The following C5 variants were observed in gnomAD, a reference collection of about 807,000 sequenced individuals.
The protein encoded by C5 is C3 and PZP-like alpha-2-macroglobulin domain-containing protein 4.
In C5, 140 loss-of-function variants were observed where a neutral mutation model predicts 218.8. That is an observed-to-expected ratio of 0.64 (90% CI 0.56 to 0.74). The LOEUF (loss-of-function observed/expected upper bound fraction) is 0.74, where lower values mean the gene tolerates loss of function less well. Ranked by LOEUF, C5 falls within the 30% of genes least tolerant of loss-of-function variation. The pLI is 0.00. For missense variants in C5, 1,700 were observed against 1,969.6 expected (o/e 0.86, Z 2.59); for synonymous variants, 614 against 682.3 (o/e 0.90, Z 1.56).
chr9:121,021,547 G>C lies in C5; in HGVS notation c.1264C>G (p.Leu422Val), dbSNP rs1158879069. The change falls in exon 11 of 41, where the codon CTT becomes GTT. Residue 422 changes from leucine (L) to valine (V), a missense_variant. Coordinates refer to ENST00000223642, the MANE Select transcript of C5 (RefSeq NM_001735.3). ...RVDDGVASFV[L>V]NLPSGVTVLE... The stretch of plus-strand genomic sequence containing the variant: ...ACCGTCACTCCAGATGGGAGATTAA[G>C]CACAAAGGAAGCTACTCCATCATCA... 1 of 1,613,812 alleles carries C rather than the reference G, an allele frequency of 6.2e-7. No homozygotes were observed. Among genetic ancestry groups the C allele is most frequent in the Non-Finnish European group, 8.5e-7 (1 of 1,179,868 alleles).
In C5 at chr9:121,050,270, G is replaced by A. The variant is rs36223101; in HGVS notation, c.-24C>T. 4,903 of 1,579,738 alleles carry A rather than the reference G, an allele frequency of 3.1e-3. 19 individuals carry two copies. Among genetic ancestry groups the A allele is most frequent in the Admixed American group, 4.2e-3 (252 of 59,980 alleles). ...ATGGTTGGAGGTAGCAGGAAACCAC[G>A]GATATAACACTTTTGAGGATAGTCT... is the stretch of plus-strand genomic sequence containing the variant. On this transcript the variant is annotated 5_prime_UTR_variant, in exon 1 of 41. Coordinates refer to ENST00000223642, the MANE Select transcript of C5 (RefSeq NM_001735.3).
rs1288535384 is a variant in C5 at position 121,005,938 on chromosome 9, T to C, written c.2543A>G (p.Tyr848Cys). The C allele has an allele frequency of 1.2e-5, 20 of 1,613,516 alleles. No individual in the cohort carries two copies. The South Asian group carries it at 2.1e-4, about 17-fold the overall frequency. Residue 848 changes from tyrosine to cysteine, a missense_variant, in exon 20 of 41, where the codon TAT becomes TGT. Tyr to Cys is a radical substitution (Grantham distance 194). Coordinates refer to ENST00000223642, the MANE Select transcript of C5 (RefSeq NM_001735.3). ...QIQLKGTVYN[Y>C]RTSGMQFCVK... ...ACTTACCTGCATCCCAGAAGTCCTA[T>C]AGTTGTAAACAGTTCCTTTCAATTG... is the stretch of plus-strand genomic sequence containing the variant.
rs1405932372 is a variant in C5, at chr9:121,006,903, C to T, written c.2422+1G>A. 2 of 1,589,454 alleles carry T rather than the reference C, an allele frequency of 1.3e-6. No individual in the cohort carries two copies. The highest frequency in any genetic ancestry group is 1.7e-5 in the Admixed American group (1 of 59,984). ...TGCATATATCACTTAAACCTGCTTA[C>T]CAGTGTTTGAAATGCCAACGCCTTG... On this transcript the variant is annotated splice_donor_variant, in intron 19 of 40. Coordinates refer to ENST00000223642, the MANE Select transcript of C5 (RefSeq NM_001735.3). LOFTEE classifies it high-confidence loss of function.
chr9:121,056,295 T>C, the C5 span, among the ~76,000 whole-genome samples: 2 of 152,222 alleles, frequency 1.3e-5, no homozygotes, highest in African/African-American at 2.4e-5. Flanking sequence ...GTGTTGAAGA[T>C]ATATGACTAA....
Position 120,961,396 on chromosome 9 carries a change from C to G in C5, c.4588+86G>C, listed in dbSNP as rs1009009381. On this transcript the variant is annotated intron_variant, in intron 37 of 40. Transcript: ENST00000223642. The stretch of plus-strand genomic sequence containing the variant: ...TCTACTTCTGAGAAAGAACAGTTTA[C>G]CAAACAGTGTCCCCCAGATTAACCT... The G allele has an allele frequency of 4.8e-6, 4 of 832,814 alleles. No individual in the cohort carries two copies. The African/African-American group carries it at 6.7e-5, about 14-fold the overall frequency. 51.6% of individuals were successfully genotyped at this position (832,814 alleles called of 1,614,324 possible).
the C5 span, among the ~76,000 whole-genome samples, chr9:121,062,672 C>A: frequency 6.6e-6 from 1 of 152,180 alleles, no homozygotes; most frequent in African/African-American, 2.4e-5. Flanking sequence ...ATTAGTGCTA[C>A]GGTCTGAATG....
intron 4 of C5, among the ~76,000 whole-genome samples, 166 bp downstream of exon 4, chr9:121,037,715 G>A (rs1404316012): frequency 6.6e-6 from 1 of 152,132 alleles, no homozygotes. Flanking sequence ...TTTCACATAC[G>A]TGTATTACAG....
intron 37 of C5, among the ~76,000 whole-genome samples, chr9:120,961,255 C>T (rs1248781387): frequency 6.6e-6 from 1 of 152,034 alleles, no homozygotes; most frequent in Admixed American, 6.5e-5. Context: ...ACAACCCTCT[C>T]GATGGTGTTT....
rs770178877 is a variant in C5, at chr9:121,005,925, C to G, written c.2556G>C (p.Gly852=). The G allele has an allele frequency of 3.1e-6, 5 of 1,613,478 alleles. No homozygotes were observed. The South Asian group carries it at 4.4e-5, about 14-fold the overall frequency. The change falls in exon 20 of 41, where the codon GGG becomes GGC. Residue 852 remains glycine (G), a synonymous_variant. Transcript: ENST00000223642. ...AATATTAACACCTACTTACCTGCAT[C>G]CCAGAAGTCCTATAGTTGTAAACAG... ...KGTVYNYRTS[G]MQFCVKMSAV...
chr9:121,027,421 T>C, intron 7 of C5, 147 bp from the exon 8 acceptor site: 1 of 610,684 alleles, frequency 1.6e-6, no homozygotes, highest in East Asian at 3.0e-5. Flanking sequence ...GCTGGAGGCA[T>C]CATGCTACCT....
upstream of C5, among the ~76,000 whole-genome samples, chr9:121,053,499 G>A (rs914355563): frequency 2.6e-5 from 4 of 152,056 alleles, no homozygotes; most frequent in Non-Finnish European, 5.9e-5. Flanking sequence ...CCCCGAGATA[G>A]TTCTCCACAC....
At chr9:121,073,671 G>A in the C5 span, among the ~76,000 whole-genome samples, 4 of 151,900 alleles carry the variant, frequency 2.6e-5, no homozygotes, top group African/African-American at 9.7e-5. Context: ...GCGCCACCAC[G>A]CCCGGGTAAT....
In C5 at chr9:121,046,271, G is replaced by T; in HGVS notation, c.178C>A (p.Pro60Thr). 1 of 1,608,118 alleles carries T rather than the reference G, an allele frequency of 6.2e-7. No individual in the cohort carries two copies. The highest frequency in any genetic ancestry group is 8.5e-7 in the Non-Finnish European group (1 of 1,175,120). ...FDATISIKSY[P>T]DKKFSYSSGH... Reference sequence around the variant, plus strand: ...GAGGAGTAACTAAATTTTTTATCAGGATAACTTTTAATAGAGATTGTTGCA... The same window carrying T: ...GAGGAGTAACTAAATTTTTTATCAGTATAACTTTTAATAGAGATTGTTGCA... The change falls in exon 2 of 41, where the codon CCT (proline) becomes ACT (threonine). Residue 60 changes from proline to threonine, a missense_variant. By Grantham distance (38) the Pro-to-Thr change is conservative (BLOSUM62 -1). Coordinates refer to ENST00000223642, the MANE Select transcript of C5 (RefSeq NM_001735.3).
Position 121,025,551 on chromosome 9 carries a change from A to C in C5, c.903T>G (p.Phe301Leu), listed in dbSNP as rs1442756122. ...MLINGIAQVT[F>L]DSETAVKELS... is the part of the protein sequence containing the mutation. Reference sequence around the variant, plus strand: ...GTTCTTTGACTGCTGTTTCAGAATCAAATGTGACTTGAGCAATTCCATTTA... The same window carrying C: ...GTTCTTTGACTGCTGTTTCAGAATCCAATGTGACTTGAGCAATTCCATTTA... The change falls in exon 9 of 41, where the codon TTT becomes TTG. Residue 301 changes from phenylalanine (F) to leucine (L), a missense_variant. Physicochemically the swap from Phe to Leu is conservative, Grantham distance 22. Coordinates refer to ENST00000223642, the MANE Select transcript of C5 (RefSeq NM_001735.3). 9 of 1,613,062 alleles carry C rather than the reference A, an allele frequency of 5.6e-6. No individual in the cohort carries two copies. Among genetic ancestry groups the C allele is most frequent in the Non-Finnish European group, 6.8e-6 (8 of 1,179,684 alleles).
At chr9:120,979,738 A>G (rs1415371634) in intron 28 of C5, 1 of 290,222 alleles carries the variant, frequency 3.4e-6, no homozygotes, top group Non-Finnish European at 6.7e-6. Flanking sequence ...TATAAAAAAA[A>G]GTAACTGGGT....
intron 36 of C5, 82 bp from the exon 37 acceptor site, chr9:120,961,647 A>C (rs1588165306): frequency 1.1e-6 from 1 of 871,470 alleles, no homozygotes. Context: ...TCTTACATGG[A>C]GCCTCAGAGA....
chr9:121,045,774 A>G (rs1224188704), intron 2 of C5, among the ~76,000 whole-genome samples: 1 of 152,166 alleles, frequency 6.6e-6, no homozygotes, highest in Non-Finnish European at 1.5e-5. Flanking sequence ...TGAAACTATA[A>G]TTGTAGAATA....
At chr9:121,036,683 C>T (rs1040249168) in intron 4 of C5, among the ~76,000 whole-genome samples, 1 of 152,108 alleles carries the variant, frequency 6.6e-6, no homozygotes, top group Non-Finnish European at 1.5e-5. Flanking sequence ...TAACACCCAA[C>T]TCAGGGTTCC....
chr9:121,002,236 A>ACG (rs2047171204), intron 20 of C5, among the ~76,000 whole-genome samples: 2 of 55,038 alleles, frequency 3.6e-5, no homozygotes, highest in Non-Finnish European at 8.9e-5. Flanking sequence ...ATATGTATAT[A>ACG]TGTATATGTA....
Sources: gnomAD v4.1 joint callset for allele counts (sites outside exome capture counted in the v4.1 genomes callset) on GRCh38, gnomAD v4.1.1 for gene constraint, MANE v1.5 for transcripts, NCBI Gene and HGNC (gene_info 2026-07-23, HGNC 2026-07-21) for gene names.